MAML3: variants seen among roughly 807,000 people sequenced by gnomAD.
The protein encoded by MAML3 is mastermind-like protein 3.
In MAML3, 27 loss-of-function variants were observed where a neutral mutation model predicts 101.9. That is an observed-to-expected ratio of 0.27 (90% CI 0.20 to 0.37). The LOEUF is 0.37. Ranked by LOEUF, MAML3 falls within the 10% of genes least tolerant of loss-of-function variation. MAML3 has a pLI of 1.00. For missense variants in MAML3, 1,316 were observed against 1,444.9 expected (o/e 0.91, Z 1.45); for synonymous variants, 501 against 555.9 (o/e 0.90, Z 1.39).
chr4:139,757,476 C>T (rs919692860), intron 2 of MAML3, among the ~76,000 whole-genome samples: 3 of 151,904 alleles, frequency 2.0e-5, no homozygotes, highest in African/African-American at 4.8e-5. Context: ...GTGGTGAAAC[C>T]CCATCTCTAC....
At chr4:139,981,303 C>T (rs1339005043) in intron 1 of MAML3, among the ~76,000 whole-genome samples, 1 of 152,218 alleles carries the variant, frequency 6.6e-6, no homozygotes, top group Admixed American at 6.5e-5. Flanking sequence ...CCAATGGCCT[C>T]ATTTTAACTT....
intron 1 of MAML3, among the ~76,000 whole-genome samples, chr4:140,020,033 C>T (rs1726707626): frequency 6.6e-6 from 1 of 152,170 alleles, no homozygotes; most frequent in South Asian, 2.1e-4. Flanking sequence ...AGACACAGGA[C>T]ATATGCCTTG....
chr4:140,064,840 C>G (rs1317933966), intron 1 of MAML3, among the ~76,000 whole-genome samples: 2 of 152,148 alleles, frequency 1.3e-5, no homozygotes, highest in African/African-American at 4.8e-5. Flanking sequence ...TGCCCTAAAA[C>G]TGAGGGGAGA....
At chr4:139,934,276 GGACTATGGGTGTGTGTGC>G (rs925754127) in intron 1 of MAML3, among the ~76,000 whole-genome samples, 69 of 151,786 alleles carry the variant, frequency 4.5e-4, no homozygotes, top group African/African-American at 1.5e-3. Flanking sequence ...AGAGTGTGTG[GGACTATGGGTGTGTGTGC>G]GACTATGGGT....
intron 1 of MAML3, among the ~76,000 whole-genome samples, chr4:140,055,111 A>G (rs1027951988): frequency 2.0e-5 from 3 of 152,190 alleles, no homozygotes; most frequent in African/African-American, 7.2e-5. Context: ...CACGGCCTCT[A>G]AAGTCCCTTC....
intron 1 of MAML3, among the ~76,000 whole-genome samples, chr4:139,927,449 T>C (rs1350712460): frequency 6.6e-6 from 1 of 152,244 alleles, no homozygotes; most frequent in Non-Finnish European, 1.5e-5. Context: ...TGAGATATGC[T>C]GAGACTACGC....
chr4:140,001,458 T>C (rs1395015400), intron 1 of MAML3, among the ~76,000 whole-genome samples: 1 of 151,906 alleles, frequency 6.6e-6, no homozygotes, highest in Non-Finnish European at 1.5e-5. Context: ...AGTCGCAGAG[T>C]GAGAAAAAGT....
intron 1 of MAML3, among the ~76,000 whole-genome samples, chr4:140,142,952 C>T (rs1291060286): frequency 6.6e-6 from 1 of 152,186 alleles, no homozygotes; most frequent in African/African-American, 2.4e-5. Context: ...AACAACTATA[C>T]CATACCTTAA....
At chr4:139,772,708 T>C (rs1266044786) in intron 2 of MAML3, among the ~76,000 whole-genome samples, 5 of 152,092 alleles carry the variant, frequency 3.3e-5, no homozygotes, top group Non-Finnish European at 7.4e-5. Flanking sequence ...GAGGATGAAC[T>C]TCCCAGACGT....
intron 2 of MAML3, among the ~76,000 whole-genome samples, chr4:139,787,648 C>T (rs916903242): frequency 6.6e-6 from 1 of 152,192 alleles, no homozygotes; most frequent in African/African-American, 2.4e-5. Context: ...TAACCCCAAG[C>T]ATCCTATTGG....
intron 1 of MAML3, among the ~76,000 whole-genome samples, chr4:139,959,970 G>A (rs752915190): frequency 5.3e-5 from 8 of 152,156 alleles, no homozygotes; most frequent in Non-Finnish European, 1.0e-4. Flanking sequence ...TGCCTGGCAT[G>A]TCATAGACAC....
At position 140,035,463 on chromosome 4, in the gene MAML3, A is replaced by G. The variant is rs148562173; in HGVS notation, c.468+117397T>C. ...ATATAGCTTTTAAATTACAAACCAC[A>G]TCCTTACCTCTAGGGAATATATGTA... On this transcript the variant is annotated intron_variant, in intron 1 of 4. Transcript: ENST00000509479. Among the ~76,000 whole-genome samples, 92 of 152,270 alleles carry G rather than the reference A, an allele frequency of 6.0e-4. No individual in the cohort carries two copies. The Middle Eastern group carries it at 0.017, about 28-fold the overall frequency.
chr4:140,028,223 G>T (rs1012873397), intron 1 of MAML3, among the ~76,000 whole-genome samples: 1 of 152,168 alleles, frequency 6.6e-6, no homozygotes, highest in African/African-American at 2.4e-5. Flanking sequence ...CAACACTGGA[G>T]CATAGATGAA....
Position 139,878,813 on chromosome 4 carries a change from C to A in MAML3, c.2079+10544G>T, listed in dbSNP as rs548872313. ...ACCTCTGTGCCTGAGAGCAGTCTTGCTCTGAGGAGAACAGCCCGAAAGAGG... is the reference window on the plus strand; with the variant it reads ...ACCTCTGTGCCTGAGAGCAGTCTTGATCTGAGGAGAACAGCCCGAAAGAGG... On this transcript the variant is annotated intron_variant, in intron 2 of 4. Coordinates refer to ENST00000509479, the MANE Select transcript of MAML3 (RefSeq NM_018717.5). 1.1e-4 allele frequency among the ~76,000 whole-genome samples: 16 copies of A among 152,318 alleles called. No homozygotes were observed. In the South Asian group the frequency reaches 3.3e-3, roughly 32 times the overall value.
At chr4:140,076,311 T>C (rs1252700307) in intron 1 of MAML3, among the ~76,000 whole-genome samples, 1 of 152,248 alleles carries the variant, frequency 6.6e-6, no homozygotes, top group Non-Finnish European at 1.5e-5. Flanking sequence ...TTCTCCAATA[T>C]ATTTTTAAGT....
At chr4:139,931,400 G>C (rs2110729305) in intron 1 of MAML3, among the ~76,000 whole-genome samples, 1 of 152,280 alleles carries the variant, frequency 6.6e-6, no homozygotes, top group South Asian at 2.1e-4. Context: ...GGTTCCTGCT[G>C]TCATTTCTTC....
intron 2 of MAML3, among the ~76,000 whole-genome samples, chr4:139,738,122 TAAC>T (rs1344948335): frequency 6.6e-6 from 1 of 152,250 alleles, no homozygotes; most frequent in Non-Finnish European, 1.5e-5. Flanking sequence ...GACTGGCACA[TAAC>T]AAACAGCTTG....
At chr4:139,746,942 G>A (rs12646059) in intron 2 of MAML3, among the ~76,000 whole-genome samples, 28,198 of 151,978 alleles carry the variant, frequency 0.19, 2,885 homozygotes, top group African/African-American at 0.25. Context: ...AGCTTTTGTC[G>A]GGGGTTCATC....
intron 1 of MAML3, among the ~76,000 whole-genome samples, chr4:139,905,554 A>T (rs1400143621): frequency 6.6e-6 from 1 of 151,532 alleles, no homozygotes; most frequent in Non-Finnish European, 1.5e-5. Context: ...AAATATTCGA[A>T]GTGATCTGTA....
Sources: allele counts gnomAD v4.1 joint callset (sites outside exome capture counted in the v4.1 genomes callset), GRCh38; gene constraint gnomAD v4.1.1; transcripts MANE v1.5; gene names NCBI Gene and HGNC (gene_info 2026-07-23, HGNC 2026-07-21).